The following FAM81A variants were observed in gnomAD, a reference collection of about 807,000 sequenced individuals.
FAM81A encodes the protein family with sequence similarity 81 member A.
Under a neutral mutation model 46.7 loss-of-function variants are expected in FAM81A, and 19 were observed. The observed-to-expected ratio is 0.41, with a 90% CI of 0.28 to 0.60. The LOEUF is 0.60. FAM81A is among the 20% of genes least tolerant of loss of function. The pLI, the probability that FAM81A is intolerant of heterozygous loss-of-function variation, is 0.34. For synonymous variants in FAM81A, 183 were observed against 152.9 expected (o/e 1.20, Z -1.45); for missense variants, 377 against 453.5 (o/e 0.83, Z 1.53).
At chr15:59,417,860 G>A (rs2081153918) in intron 2 of FAM81A, among the ~76,000 whole-genome samples, 1 of 151,968 alleles carries the variant, frequency 6.6e-6, no homozygotes. Flanking sequence ...CCCTGTTGGT[G>A]TGCTGCACCC....
chr15:59,486,698 A>G (rs1466751915), intron 3 of FAM81A, among the ~76,000 whole-genome samples: 1 of 152,198 alleles, frequency 6.6e-6, no homozygotes, highest in African/African-American at 2.4e-5. Flanking sequence ...AGCTCCAATA[A>G]GTTTGGCAAC....
chr15:59,462,633 T>C (rs760092192), intron 3 of FAM81A, among the ~76,000 whole-genome samples: 28 of 152,198 alleles, frequency 1.8e-4, no homozygotes, highest in Non-Finnish European at 3.8e-4. Flanking sequence ...CATCCCAAAG[T>C]GAGACTTTGT....
At chr15:59,436,341 A>G (rs1200984043), upstream of FAM81A, among the ~76,000 whole-genome samples, 2 of 150,874 alleles carry the variant, frequency 1.3e-5, no homozygotes, top group Non-Finnish European at 2.9e-5. Flanking sequence ...ATCTACTATC[A>G]CTCTCCTAGG....
Position 59,466,665 on chromosome 15 carries a change from A to G in FAM81A, c.294+6459A>G, listed in dbSNP as rs1254536726. ...CTCCCATTCTGTAGGTTGCCTGTTCACTCTGATGGTAGTTTCTTTTGCTGT... is the reference window on the plus strand; with the variant it reads ...CTCCCATTCTGTAGGTTGCCTGTTCGCTCTGATGGTAGTTTCTTTTGCTGT... On this transcript the variant is annotated intron_variant, in intron 3 of 8. Coordinates refer to ENST00000288228, the MANE Select transcript of FAM81A (RefSeq NM_152450.3). Among the ~76,000 whole-genome samples, 4 of 151,924 alleles carry G rather than the reference A, an allele frequency of 2.6e-5. No individual in the cohort carries two copies. The South Asian group carries it at 6.2e-4, about 24-fold the overall frequency.
intron 3 of FAM81A, among the ~76,000 whole-genome samples, chr15:59,481,696 A>G (rs1036070331): frequency 4.6e-5 from 7 of 152,034 alleles, no homozygotes; most frequent in African/African-American, 1.4e-4. Flanking sequence ...ATCTTTATGC[A>G]TACATTTTTC....
chr15:59,474,847 GCTCTTTT>G (rs2081745471), intron 3 of FAM81A, among the ~76,000 whole-genome samples: 1 of 152,158 alleles, frequency 6.6e-6, no homozygotes, highest in African/African-American at 2.4e-5. Context: ...CCAAAAATAT[GCTCTTTT>G]CTCTTTTCTA....
chr15:59,521,598 T>C lies in FAM81A; in HGVS notation c.*220T>C, dbSNP rs1311608373. On this transcript the variant is annotated 3_prime_UTR_variant, in exon 9 of 9. Transcript: ENST00000288228. ...TTTTTACCAGTTTATTTCACTTCTC[T>C]AAATTCAATGGAAATCCCCCGCCCT... 2.3e-6 allele frequency: 1 copy of C among 429,652 alleles called. No homozygotes were observed. Among genetic ancestry groups the C allele is most frequent in the African/African-American group, 2.0e-5 (1 of 49,058 alleles). The allele number at this position is 429,652 out of a possible 1,614,324, so 26.6% of individuals were successfully genotyped here.
chr15:59,500,060 C>A (rs1327158507), intron 4 of FAM81A, among the ~76,000 whole-genome samples: 1 of 151,792 alleles, frequency 6.6e-6, no homozygotes, highest in Non-Finnish European at 1.5e-5. Context: ...ACCATGTTGG[C>A]CAGGCTGGTC....
At chr15:59,511,745 G>A (rs534568189) in intron 6 of FAM81A, among the ~76,000 whole-genome samples, 4 of 152,102 alleles carry the variant, frequency 2.6e-5, no homozygotes, top group South Asian at 2.1e-4. Context: ...TCCACCTCCC[G>A]GGTTCAGCGA....
chr15:59,435,512 C>T (rs1350691310), upstream of FAM81A, among the ~76,000 whole-genome samples: 4 of 151,934 alleles, frequency 2.6e-5, no homozygotes, highest in Admixed American at 6.6e-5. Context: ...CCCAGCTACT[C>T]GGGAAGCTGA....
intron 1 of FAM81A, among the ~76,000 whole-genome samples, chr15:59,451,514 G>A (rs1305813502): frequency 4.0e-5 from 6 of 151,016 alleles, no homozygotes; most frequent in African/African-American, 1.5e-4. Flanking sequence ...AGGCAGTGGT[G>A]TGATCTGGGC....
chr15:59,451,792 A>G (rs978555446), intron 1 of FAM81A, among the ~76,000 whole-genome samples: 1 of 140,406 alleles, frequency 7.1e-6, no homozygotes, highest in African/African-American at 2.4e-5. Context: ...CTTTTAGTAG[A>G]CATGCTGTGT....
At chr15:59,437,296 C>G (rs1212272185), upstream of FAM81A, among the ~76,000 whole-genome samples, 1 of 151,644 alleles carries the variant, frequency 6.6e-6, no homozygotes, top group Admixed American at 6.6e-5. Flanking sequence ...ACAGGAGCCC[C>G]TGTGCTGGGT....
intron 6 of FAM81A, among the ~76,000 whole-genome samples, chr15:59,512,559 A>G (rs531483587): frequency 7.9e-5 from 12 of 152,160 alleles, no homozygotes; most frequent in African/African-American, 2.9e-4. Flanking sequence ...ATGAAGAACA[A>G]TAAGTTCCAG....
rs567489055 is a variant in FAM81A at position 59,408,323 on chromosome 15, C to T, written c.-78+5965C>T. 2.9e-3 allele frequency among the ~76,000 whole-genome samples: 447 copies of T among 152,296 alleles called. 2 individuals are homozygous for T. Among genetic ancestry groups the T allele is most frequent in the African/African-American group, 0.01 (427 of 41,570 alleles). Reference sequence around the variant, plus strand: ...TTCTTTTGTTGTTGTTGTTGTTTTACTTCTTAAAATATTTGAAATAGTTTA... The same window carrying T: ...TTCTTTTGTTGTTGTTGTTGTTTTATTTCTTAAAATATTTGAAATAGTTTA... On this transcript the variant is annotated intron_variant, in intron 2 of 4. Coordinates refer to the FAM81A transcript ENST00000558348.
intron 2 of FAM81A, 33 bp from the exon 3 acceptor site, chr15:59,459,900 C>G: frequency 6.6e-7 from 1 of 1,525,066 alleles, no homozygotes; most frequent in Non-Finnish European, 8.8e-7. Context: ...TTATTTTTTC[C>G]CAATTAACAA....
intron 6 of FAM81A, among the ~76,000 whole-genome samples, chr15:59,513,781 G>A (rs1567078038): frequency 6.6e-6 from 1 of 152,142 alleles, no homozygotes; most frequent in Admixed American, 6.5e-5. Flanking sequence ...GCATACGTAT[G>A]TTCACTGCAG....
At chr15:59,514,453 G>C (rs754153376) in intron 7 of FAM81A, 29 bp downstream of exon 7, 1 of 1,605,646 alleles carries the variant, frequency 6.2e-7, no homozygotes, top group Admixed American at 1.7e-5. Context: ...CAAAAATTTA[G>C]TAAAGTTATT....
chr15:59,405,141 T>C (rs2081088624), intron 2 of FAM81A, among the ~76,000 whole-genome samples: 2 of 152,242 alleles, frequency 1.3e-5, no homozygotes, highest in Admixed American at 1.3e-4. Flanking sequence ...CTAAGCCATC[T>C]CGCCTCCTGC....
Sources: allele counts gnomAD v4.1 joint callset (sites outside exome capture counted in the v4.1 genomes callset), GRCh38; gene constraint gnomAD v4.1.1; transcripts MANE v1.5; gene names NCBI Gene and HGNC (gene_info 2026-07-23, HGNC 2026-07-21).